ANKS1B: variants seen among roughly 807,000 people sequenced by gnomAD.
ANKS1B encodes ankyrin repeat and sterile alpha motif domain-containing protein 1B.
Under a neutral mutation model 148.3 loss-of-function variants are expected in ANKS1B, and 36 were observed. That is an observed-to-expected ratio of 0.24 (90% CI 0.19 to 0.32). The LOEUF (loss-of-function observed/expected upper bound fraction) is 0.32. Among genes scored for constraint, ANKS1B ranks in the 10% least tolerant of loss-of-function variants. The probability of loss-of-function intolerance (pLI) is 1.00; values close to 1 mark genes in which losing one functional copy is unlikely to be tolerated. For missense variants in ANKS1B, 1,157 were observed against 1,542.6 expected (o/e 0.75, Z 4.19); for synonymous variants, 542 against 560.8 (o/e 0.97, Z 0.47).
At chr12:99,645,187 A>G (rs144065678) in intron 9 of ANKS1B, among the ~76,000 whole-genome samples, 1 of 152,222 alleles carries the variant, frequency 6.6e-6, no homozygotes, top group Non-Finnish European at 1.5e-5. Flanking sequence ...CATATTTTCA[A>G]TTACATAGTT....
rs184254805 is a variant in ANKS1B, at chr12:99,563,583, T to C, written c.1273-58942A>G. On this transcript the variant is annotated intron_variant, in intron 9 of 26. Coordinates refer to ENST00000683438, the MANE Select transcript of ANKS1B (RefSeq NM_001352186.2). ...CACCCCAAAACAATTACAATAGTAG[T>C]ATCTAAGCTCATTGATCACAGATAA... Among the ~76,000 whole-genome samples, 6 of 152,246 alleles carry C rather than the reference T, an allele frequency of 3.9e-5. No homozygotes were observed. In the East Asian group the frequency reaches 1.2e-3, roughly 29 times the overall value.
intron 14 of ANKS1B, among the ~76,000 whole-genome samples, chr12:99,207,076 G>A (rs1390598395): frequency 6.6e-6 from 1 of 152,144 alleles, no homozygotes; most frequent in Non-Finnish European, 1.5e-5. Context: ...AATCTTCCCT[G>A]GTTGCTGGAT....
At chr12:99,666,763 A>T (rs941090007) in intron 8 of ANKS1B, among the ~76,000 whole-genome samples, 1 of 152,012 alleles carries the variant, frequency 6.6e-6, no homozygotes, top group African/African-American at 2.4e-5. Flanking sequence ...GTACATATTT[A>T]AGGTGTATGG....
chr12:99,210,808 C>T (rs1440314315), intron 14 of ANKS1B, among the ~76,000 whole-genome samples: 1 of 152,180 alleles, frequency 6.6e-6, no homozygotes, highest in Non-Finnish European at 1.5e-5. Flanking sequence ...ACTCCAAACT[C>T]TTGGCATTCC....
chr12:99,243,946 C>T (rs549847921), intron 14 of ANKS1B, among the ~76,000 whole-genome samples: 2 of 152,014 alleles, frequency 1.3e-5, no homozygotes, highest in Non-Finnish European at 2.9e-5. Context: ...TGCAGCAAAC[C>T]AACATGGCAC....
rs937067681 is a variant in ANKS1B at position 99,070,366 on chromosome 12, A to C, written c.2625+14559T>G. 2.6e-5 allele frequency among the ~76,000 whole-genome samples: 4 copies of C among 152,198 alleles called. No individual in the cohort carries two copies. The East Asian group carries it at 7.7e-4, about 29-fold the overall frequency. On this transcript the variant is annotated intron_variant, in intron 16 of 26. Transcript: ENST00000683438. ...TAATGAAACAGTGCTTAGCTTAGGGAAGGAAGAATAGTAACTATGTCACTT... is the reference window on the plus strand; with the variant it reads ...TAATGAAACAGTGCTTAGCTTAGGGCAGGAAGAATAGTAACTATGTCACTT...
intron 1 of ANKS1B, among the ~76,000 whole-genome samples, chr12:99,830,430 A>G (rs1305917727): frequency 6.6e-6 from 1 of 152,122 alleles, no homozygotes; most frequent in African/African-American, 2.4e-5. Context: ...TAAAAGTTCT[A>G]AATTTGATTT....
At chr12:99,692,014 G>T (rs1452409869) in intron 8 of ANKS1B, among the ~76,000 whole-genome samples, 3 of 152,302 alleles carry the variant, frequency 2.0e-5, no homozygotes, top group Admixed American at 1.3e-4. Flanking sequence ...GGGATAAATT[G>T]TTAGGAGATT....
intron 17 of ANKS1B, among the ~76,000 whole-genome samples, 162 bp from the exon 18 acceptor site, chr12:98,832,298 T>C (rs1293529305): frequency 2.6e-5 from 4 of 152,142 alleles, no homozygotes; most frequent in Non-Finnish European, 5.9e-5. Flanking sequence ...AAGATTGCAG[T>C]AGCATCTGGA....
At chr12:99,568,428 T>G (rs571657618) in intron 9 of ANKS1B, among the ~76,000 whole-genome samples, 14 of 152,324 alleles carry the variant, frequency 9.2e-5, no homozygotes, top group African/African-American at 3.4e-4. Flanking sequence ...GCAAAATCTC[T>G]TTTTTACAGA....
intron 17 of ANKS1B, among the ~76,000 whole-genome samples, chr12:98,850,238 C>T (rs1455226181): frequency 2.0e-5 from 3 of 152,072 alleles, no homozygotes; most frequent in South Asian, 2.1e-4. Context: ...TTCTTGTTGC[C>T]GTACTTCCTG....
At chr12:99,131,496 T>C (rs2066070108) in intron 15 of ANKS1B, among the ~76,000 whole-genome samples, 1 of 152,198 alleles carries the variant, frequency 6.6e-6, no homozygotes, top group Admixed American at 6.5e-5. Context: ...TCAACTAAAT[T>C]ATCTGCCAGT....
intron 9 of ANKS1B, among the ~76,000 whole-genome samples, chr12:99,521,210 C>G (rs949651668): frequency 1.3e-5 from 2 of 152,164 alleles, no homozygotes; most frequent in Non-Finnish European, 2.9e-5. Context: ...GTTTTTTCAG[C>G]TCCAGAATTT....
chr12:99,732,996 A>G (rs1402804013), intron 8 of ANKS1B, among the ~76,000 whole-genome samples: 1 of 149,150 alleles, frequency 6.7e-6, no homozygotes, highest in Non-Finnish European at 1.5e-5. Context: ...CTATTTCACA[A>G]GAGTGTTATT....
chr12:99,250,823 T>C (rs2074489294), intron 12 of ANKS1B, among the ~76,000 whole-genome samples: 1 of 152,234 alleles, frequency 6.6e-6, no homozygotes, highest in African/African-American at 2.4e-5. Context: ...CTGTGAAGAT[T>C]GAATGAAATC....
intron 9 of ANKS1B, among the ~76,000 whole-genome samples, chr12:99,647,505 C>G (rs2098382127): frequency 6.6e-6 from 1 of 152,128 alleles, no homozygotes; most frequent in Admixed American, 6.5e-5. Flanking sequence ...TTGCCTTGCA[C>G]AGAAAATTTA....
chr12:99,812,538 CACACACACACACACACACACAGAG>C (rs1465219842), intron 2 of ANKS1B, among the ~76,000 whole-genome samples: 72 of 95,828 alleles, frequency 7.5e-4, no homozygotes, highest in African/African-American at 3.2e-3. Context: ...CACACACACA[CACACACACACACACACACACAGAG>C]AGAGAGAGAG....
At chr12:99,073,317 C>T (rs2153593986) in intron 16 of ANKS1B, among the ~76,000 whole-genome samples, 1 of 152,292 alleles carries the variant, frequency 6.6e-6, no homozygotes, top group East Asian at 1.9e-4. Flanking sequence ...ATGCTGCTTC[C>T]TAGATTAATC....
chr12:99,330,396 T>C (rs1340991994), intron 12 of ANKS1B, among the ~76,000 whole-genome samples: 1 of 152,000 alleles, frequency 6.6e-6, no homozygotes, highest in Non-Finnish European at 1.5e-5. Context: ...AGTTTAGATA[T>C]GGCCCTGCCA....
Sources: allele counts gnomAD v4.1 joint callset (sites outside exome capture counted in the v4.1 genomes callset), GRCh38; gene constraint gnomAD v4.1.1; transcripts MANE v1.5; gene names NCBI Gene and HGNC (gene_info 2026-07-23, HGNC 2026-07-21).